HACE1: variants seen among roughly 807,000 people sequenced by gnomAD.
HACE1 encodes HECT domain and ankyrin repeat containing E3 ubiquitin protein ligase 1, also known as E3 ubiquitin-protein ligase HACE1.
In HACE1, 73 loss-of-function variants were observed where a neutral mutation model predicts 118.4. That is an observed-to-expected ratio of 0.62 (90% CI 0.51 to 0.75). The LOEUF is 0.75. Among genes scored for constraint, HACE1 ranks in the 30% least tolerant of loss-of-function variants. HACE1 has a pLI of 0.00. For missense variants in HACE1, 749 were observed against 1,102.2 expected, an observed-to-expected ratio of 0.68 and a Z score of 4.54; for synonymous variants, 368 against 374.8, an observed-to-expected ratio of 0.98 and a Z score of 0.21.
chr6:104,859,439 G>C, intron 1 of HACE1, 128 bp downstream of exon 1: 1 of 758,796 alleles, frequency 1.3e-6, no homozygotes, highest in Non-Finnish European at 2.0e-6. Flanking sequence ...TCTCAGCTCT[G>C]GAAAGTAAAA....
intron 5 of HACE1, among the ~76,000 whole-genome samples, chr6:104,836,054 C>T (rs146096655): frequency 1.1e-4 from 16 of 152,266 alleles, no homozygotes; most frequent in African/African-American, 3.4e-4. Flanking sequence ...TCAGGAAACT[C>T]TCAGGGTTGT....
intron 19 of HACE1, among the ~76,000 whole-genome samples, chr6:104,766,407 C>T (rs1179946305): frequency 6.6e-6 from 1 of 152,018 alleles, no homozygotes; most frequent in Non-Finnish European, 1.5e-5. Flanking sequence ...TGTCAGTACT[C>T]GAAAAGTTTC....
intron 4 of HACE1, 80 bp from the exon 5 acceptor site, chr6:104,843,378 A>C: frequency 1.3e-6 from 1 of 764,170 alleles, no homozygotes; most frequent in Non-Finnish European, 2.4e-6. Context: ...AAATATTAGC[A>C]ACAATCAATA....
At chr6:104,796,156 T>A (rs545244296) in intron 9 of HACE1, among the ~76,000 whole-genome samples, 6 of 152,178 alleles carry the variant, frequency 3.9e-5, no homozygotes, top group African/African-American at 1.4e-4. Flanking sequence ...CAGGCTAGAG[T>A]GTAGTGGGCA....
intron 7 of HACE1, among the ~76,000 whole-genome samples, chr6:104,798,351 G>A (rs1303397543): frequency 6.6e-6 from 1 of 151,678 alleles, no homozygotes; most frequent in African/African-American, 2.4e-5. Context: ...TTCACAAAAC[G>A]GCACTGTATG....
At chr6:104,770,312 T>A (rs1027327794) in intron 19 of HACE1, among the ~76,000 whole-genome samples, 1 of 152,154 alleles carries the variant, frequency 6.6e-6, no homozygotes, top group African/African-American at 2.4e-5. Context: ...TCATATAACA[T>A]ATTAAAACAC....
chr6:104,776,652 C>A, intron 17 of HACE1, 89 bp downstream of exon 17: 1 of 833,334 alleles, frequency 1.2e-6, no homozygotes, highest in Non-Finnish European at 2.1e-6. Flanking sequence ...GCTCACAGGT[C>A]TGCTGTGGAA....
chr6:104,805,921 T>C (rs1216149436), intron 7 of HACE1, among the ~76,000 whole-genome samples: 2 of 152,092 alleles, frequency 1.3e-5, no homozygotes, highest in African/African-American at 4.8e-5. Context: ...CAGGAGGATA[T>C]GTGCTATGAG....
chr6:104,761,769 G>A (rs1021818502), intron 19 of HACE1, among the ~76,000 whole-genome samples: 10 of 152,102 alleles, frequency 6.6e-5, no homozygotes, highest in Non-Finnish European at 1.3e-4. Flanking sequence ...GCAGCCTACA[G>A]AATGGGAGAA....
chr6:104,744,162 G>C lies in HACE1; in HGVS notation c.2511C>G (p.Gly837=), dbSNP rs777315813. The part of the protein sequence containing the change: ...ERVLLLQFVT[G]SSRVPHGGFA... ...ATTATCATAAAAATACTGCTTACCT[G>C]CCCGTAACAAACTGTAAGAGAAGAA... The change falls in exon 22 of 24, where the codon GGC becomes GGG. Residue 837 remains glycine, a splice_region_variant and synonymous_variant. Coordinates refer to ENST00000262903, the MANE Select transcript of HACE1 (RefSeq NM_020771.4). 1.9e-6 allele frequency: 3 copies of C among 1,557,168 alleles called. No homozygotes were observed. Among genetic ancestry groups the C allele is most frequent in the Non-Finnish European group, 2.7e-6 (3 of 1,128,262 alleles).
At chr6:104,813,726 T>C (rs1481857655) in intron 6 of HACE1, among the ~76,000 whole-genome samples, 1 of 138,278 alleles carries the variant, frequency 7.2e-6, no homozygotes, top group Non-Finnish European at 1.6e-5. Context: ...AGCCAACATT[T>C]GAGTGCCTCA....
intron 14 of HACE1, among the ~76,000 whole-genome samples, 199 bp from the exon 15 acceptor site, chr6:104,777,516 C>T (rs1781341335): frequency 6.6e-6 from 1 of 152,056 alleles, no homozygotes; most frequent in Non-Finnish European, 1.5e-5. Context: ...GTTTGACTAC[C>T]TAGAGAAATG....
chr6:104,774,363 T>TACAGG (rs1780986974), intron 17 of HACE1, among the ~76,000 whole-genome samples: 1 of 95,462 alleles, frequency 1.0e-5, no homozygotes, highest in Admixed American at 9.9e-5. Context: ...GTGCTGGGAT[T>TACAGG]ACAGGCGTGA....
At chr6:104,760,096 C>G (rs554940062) in intron 19 of HACE1, among the ~76,000 whole-genome samples, 1 of 152,288 alleles carries the variant, frequency 6.6e-6, no homozygotes, top group East Asian at 1.9e-4. Context: ...CCAGTGGATT[C>G]ACAGCCAAAT....
intron 7 of HACE1, among the ~76,000 whole-genome samples, chr6:104,802,212 T>C (rs748166393): frequency 1.9e-4 from 29 of 152,090 alleles, no homozygotes; most frequent in Admixed American, 1.0e-3. Context: ...CGCAGACTCA[T>C]AAAGCAAGTC....
chr6:104,761,103 C>A (rs1344937288), intron 19 of HACE1, among the ~76,000 whole-genome samples: 1 of 152,112 alleles, frequency 6.6e-6, no homozygotes, highest in African/African-American at 2.4e-5. Flanking sequence ...GAAGCAATAT[C>A]ATAAAAATGG....
chr6:104,859,525 C>T (rs925945425), intron 1 of HACE1, 42 bp downstream of exon 1: 17 of 1,437,226 alleles, frequency 1.2e-5, no homozygotes, highest in Admixed American at 4.6e-5. Context: ...CCACTGGCCG[C>T]CCCCAGCCCC....
At chr6:104,750,290 T>C (rs1204253025) in intron 20 of HACE1, 51 bp downstream of exon 20, 1 of 1,470,654 alleles carries the variant, frequency 6.8e-7, no homozygotes, top group Admixed American at 1.7e-5. Flanking sequence ...TTACATCAAC[T>C]AGAGTTTTTT....
At chr6:104,766,635 A>G (rs1780043897) in intron 19 of HACE1, among the ~76,000 whole-genome samples, 2 of 152,258 alleles carry the variant, frequency 1.3e-5, no homozygotes, top group African/African-American at 4.8e-5. Flanking sequence ...TGAAATCGTT[A>G]AAACATACTA....
Sources: gnomAD v4.1 joint callset for allele counts (sites outside exome capture counted in the v4.1 genomes callset) on GRCh38, gnomAD v4.1.1 for gene constraint, MANE v1.5 for transcripts, NCBI Gene and HGNC (gene_info 2026-07-23, HGNC 2026-07-21) for gene names.